Variants in DUSP22 observed in about 807,000 individuals in gnomAD.
The protein encoded by DUSP22 is dual specificity protein phosphatase 22.
In DUSP22, 24 loss-of-function variants were observed where a neutral mutation model predicts 24.5. The ratio of observed to expected loss-of-function variants is 0.98; its 90% CI spans 0.71 to 1.38. The LOEUF is 1.38. Ranked by LOEUF, DUSP22 falls within the 40% of genes most tolerant of loss-of-function variation. The pLI, the probability that DUSP22 is intolerant of heterozygous loss-of-function variation, is 0.00. For missense variants in DUSP22, 330 were observed against 269.2 expected (o/e 1.23, Z -1.58); for synonymous variants, 160 against 106.4 (o/e 1.50, Z -3.10).
chr6:349,535 A>C lies in DUSP22; in HGVS notation c.*584A>C, dbSNP rs1760079086. ...ACTCAGGGGACGAGTGGCTAAGAGC[A>C]TGGCCTCTCCCAGAACCCACCCAGG... On this transcript the variant is annotated 3_prime_UTR_variant, in exon 7 of 7. Transcript: ENST00000419235. 2 of 991,544 alleles carry C rather than the reference A, an allele frequency of 2.0e-6. No homozygotes were observed. Among genetic ancestry groups the C allele is most frequent in the South Asian group, 4.6e-5 (1 of 21,792 alleles). 61.4% of individuals were successfully genotyped at this position (991,544 alleles called of 1,614,324 possible). A position where few individuals can be genotyped will look rare whatever the true frequency, so the allele number is the denominator to read the frequency against.
At chr6:313,287 T>C (rs1429927744) in intron 3 of DUSP22, among the ~76,000 whole-genome samples, 5 of 152,298 alleles carry the variant, frequency 3.3e-5, no homozygotes, top group Non-Finnish European at 7.3e-5. Context: ...TCATACTCCA[T>C]TAAATGGAAC....
chr6:327,559 C>T (rs1003381346), intron 3 of DUSP22, among the ~76,000 whole-genome samples: 41 of 152,406 alleles, frequency 2.7e-4, no homozygotes, highest in Middle Eastern at 3.4e-3. Flanking sequence ...CGTGGGAGTT[C>T]GAGGAATCTG....
chr6:348,279 G>A lies in DUSP22; in HGVS notation c.435+5G>A. The A allele has an allele frequency of 1.2e-6, 2 of 1,614,254 alleles. No homozygotes were observed. Among genetic ancestry groups the A allele is most frequent in the Non-Finnish European group, 8.5e-7 (1 of 1,180,036 alleles). On this transcript the variant is annotated splice_donor_5th_base_variant and intron_variant, in intron 6 of 6. Transcript: ENST00000419235. ...GAGAAGCATGAGGTCCATCAGGTAA[G>A]CAGTTCTTAGGGGACATCAGAGATG...
intron 1 of DUSP22, among the ~76,000 whole-genome samples, chr6:292,789 T>C (rs554839611): frequency 6.6e-6 from 1 of 152,380 alleles, no homozygotes; most frequent in African/African-American, 2.4e-5. Context: ...CCGCCTGCCT[T>C]GCCAGCCGGT....
intron 1 of DUSP22, among the ~76,000 whole-genome samples, chr6:292,983 CCT>C (rs1757165043): frequency 6.6e-6 from 1 of 152,278 alleles, no homozygotes; most frequent in Non-Finnish European, 1.5e-5. Flanking sequence ...TCTGTAATTT[CCT>C]CTTTCTCCTC....
rs567449437 is a variant in DUSP22, at chr6:348,945, G to T, written c.612G>T (p.Glu204Asp). Residue 204 changes from glutamate (E) to aspartate (D), a missense_variant, in exon 7 of 7, where the codon GAG becomes GAT. Transcript: ENST00000419235. ...TGACCTACGATAATTATACGACGGAGACCTAACGCAAGCGACCTGCTGCCT... is the reference window on the plus strand; with the variant it reads ...TGACCTACGATAATTATACGACGGATACCTAACGCAAGCGACCTGCTGCCT... ...APLTYDNYTT[E>D]T 22 of 1,595,466 alleles carry T rather than the reference G, an allele frequency of 1.4e-5. No individual in the cohort carries two copies. Among genetic ancestry groups the T allele is most frequent in the Middle Eastern group, 1.7e-4 (1 of 5,996 alleles).
intron 3 of DUSP22, among the ~76,000 whole-genome samples, chr6:314,383 A>G (rs1323603715): frequency 2.0e-5 from 3 of 152,290 alleles, no homozygotes; most frequent in Non-Finnish European, 2.9e-5. Context: ...TGCTACATCC[A>G]TGCAGGTGTC....
Position 349,783 on chromosome 6 carries a change from G to C in DUSP22, c.*832G>C. ...TCAAGGCCACTTTTCAGCCCATCGA[G>C]CCCTGAGTTCTACTTGGTGTTTGTT... On this transcript the variant is annotated 3_prime_UTR_variant, in exon 7 of 7. Transcript: ENST00000419235. 1 of 985,992 alleles carries C rather than the reference G, an allele frequency of 1.0e-6. No individual in the cohort carries two copies. The highest frequency in any genetic ancestry group is 1.2e-6 in the Non-Finnish European group (1 of 830,292). The allele number at this position is 985,992 out of a possible 1,614,324, so 61.1% of individuals were successfully genotyped here. A position where few individuals can be genotyped will look rare whatever the true frequency, so the allele number is the denominator to read the frequency against.
intron 4 of DUSP22, among the ~76,000 whole-genome samples, chr6:341,928 G>T (rs1286146071): frequency 1.3e-5 from 2 of 152,302 alleles, no homozygotes; most frequent in Non-Finnish European, 2.9e-5. Context: ...TTGAGATGTG[G>T]CAAGGCTGAC....
At chr6:312,449 G>A (rs1222770418) in intron 3 of DUSP22, among the ~76,000 whole-genome samples, 1 of 152,284 alleles carries the variant, frequency 6.6e-6, no homozygotes, top group Non-Finnish European at 1.5e-5. Flanking sequence ...CGGTGTAGAA[G>A]CTGTTGTGTT....
Position 335,310 on chromosome 6 carries a change from G to A in DUSP22, c.188+147G>A. 9.5e-6 allele frequency: 10 copies of A among 1,054,758 alleles called. No individual in the cohort carries two copies. The South Asian group carries it at 9.9e-5, about 10-fold the overall frequency. The allele number at this position is 1,054,758 out of a possible 1,614,324, so 65.3% of individuals were successfully genotyped here. A position where few individuals can be genotyped will look rare whatever the true frequency, so the allele number is the denominator to read the frequency against. On this transcript the variant is annotated intron_variant, in intron 4 of 6. Transcript: ENST00000419235. Reference sequence around the variant, plus strand: ...AGGGAAGAGGCTGTGAGCCTACAGAGGCCAACGCTAGGCAGGCTGGGATGA... The same window carrying A: ...AGGGAAGAGGCTGTGAGCCTACAGAAGCCAACGCTAGGCAGGCTGGGATGA...
intron 4 of DUSP22, among the ~76,000 whole-genome samples, chr6:338,512 A>G (rs994439688): frequency 6.6e-6 from 1 of 152,308 alleles, no homozygotes; most frequent in Non-Finnish European, 1.5e-5. Flanking sequence ...TTTCTGTATC[A>G]TCAACCAATG....
intron 5 of DUSP22, 149 bp downstream of exon 5, chr6:346,077 C>G (rs988094492): frequency 9.8e-7 from 1 of 1,016,524 alleles, no homozygotes; most frequent in South Asian, 1.6e-5. Context: ...ATTTGTCCAG[C>G]GCTGTGTGTT....
At chr6:348,327 G>T (rs1219915645) in intron 6 of DUSP22, 53 bp downstream of exon 6, 1 of 1,607,174 alleles carries the variant, frequency 6.2e-7, no homozygotes, top group African/African-American at 1.3e-5. Context: ...CCTGAACGGT[G>T]CCCACAGTCT....
intron 1 of DUSP22, among the ~76,000 whole-genome samples, chr6:296,855 A>G (rs1242755340): frequency 6.6e-6 from 1 of 152,302 alleles, no homozygotes; most frequent in Non-Finnish European, 1.5e-5. Context: ...CCCTCCACTG[A>G]CTGCCAGGGT....
At chr6:346,785 G>A (rs377353794) in intron 5 of DUSP22, among the ~76,000 whole-genome samples, 2 of 152,300 alleles carry the variant, frequency 1.3e-5, no homozygotes, top group Non-Finnish European at 2.9e-5. Context: ...GGACTGTGAA[G>A]TGATAACTCC....
intron 3 of DUSP22, among the ~76,000 whole-genome samples, chr6:330,371 T>C (rs1759088810): frequency 6.6e-6 from 1 of 152,306 alleles, no homozygotes; most frequent in African/African-American, 2.4e-5. Flanking sequence ...ACATGGCTTC[T>C]GAAGGGTTTA....
At chr6:294,947 G>A (rs1757257949) in intron 1 of DUSP22, among the ~76,000 whole-genome samples, 1 of 152,282 alleles carries the variant, frequency 6.6e-6, no homozygotes, top group Non-Finnish European at 1.5e-5. Flanking sequence ...TGTTTAACGT[G>A]AGATCAGGAG....
chr6:292,536 C>A lies in DUSP22; in HGVS notation c.-4C>A, dbSNP rs753245438. 9 of 1,606,116 alleles carry A rather than the reference C, an allele frequency of 5.6e-6. No homozygotes were observed. The highest frequency in any genetic ancestry group is 6.8e-6 in the Non-Finnish European group (8 of 1,176,262). The stretch of plus-strand genomic sequence containing the variant: ...CGGGGCGCTAGCGTTCGCCTTCAGC[C>A]ACCATGGGGAATGGGATGAACAAGG... On this transcript the variant is annotated 5_prime_UTR_variant, in exon 1 of 7. Coordinates refer to ENST00000419235, the MANE Select transcript of DUSP22 (RefSeq NM_001286555.3).
Sources: gnomAD v4.1 joint callset for allele counts (sites outside exome capture counted in the v4.1 genomes callset) on GRCh38, gnomAD v4.1.1 for gene constraint, MANE v1.5 for transcripts, NCBI Gene and HGNC (gene_info 2026-07-23, HGNC 2026-07-21) for gene names.